Variants in IKZF1 observed in about 807,000 individuals in gnomAD.
IKZF1 encodes DNA-binding protein Ikaros.
In IKZF1, 10 loss-of-function variants were observed where a neutral mutation model predicts 51.7. That is an observed-to-expected ratio of 0.19 (90% CI 0.12 to 0.33). IKZF1 has a LOEUF of 0.33. IKZF1 is among the 10% of genes least tolerant of loss of function. The probability of loss-of-function intolerance (pLI) is 1.00; values close to 1 mark genes in which losing one functional copy is unlikely to be tolerated. For missense variants in IKZF1, 484 were observed against 707.5 expected (o/e 0.68, Z 3.58); for synonymous variants, 280 against 282.3 (o/e 0.99, Z 0.08).
intron 3 of IKZF1, among the ~76,000 whole-genome samples, chr7:50,356,543 CTGTG>C (rs1278552485): frequency 2.0e-5 from 3 of 152,132 alleles, no homozygotes; most frequent in South Asian, 2.1e-4. Context: ...TGGGGTGTGT[CTGTG>C]TGTGCACGGC....
intron 3 of IKZF1, among the ~76,000 whole-genome samples, chr7:50,338,732 A>T (rs1263003943): frequency 1.3e-5 from 2 of 152,156 alleles, no homozygotes; most frequent in Non-Finnish European, 2.9e-5. Flanking sequence ...GCTCTGGGGG[A>T]GTGGGCCATG....
chr7:50,329,586 T>C (rs1235168069), intron 3 of IKZF1, among the ~76,000 whole-genome samples: 1 of 152,196 alleles, frequency 6.6e-6, no homozygotes. Context: ...ATAGATATGA[T>C]AAAAGTTTGC....
chr7:50,369,507 T>G (rs540994649), intron 3 of IKZF1: 26 of 398,614 alleles, frequency 6.5e-5, no homozygotes, highest in African/African-American at 5.1e-4. Flanking sequence ...TCTCTTTCTC[T>G]CCCACTCTCC....
chr7:50,371,357 A>C (rs1402220111), intron 3 of IKZF1, among the ~76,000 whole-genome samples: 2 of 152,164 alleles, frequency 1.3e-5, no homozygotes, highest in Non-Finnish European at 2.9e-5. Context: ...GGGCCAACAA[A>C]ACTCACATTC....
At position 50,327,710 on chromosome 7, in the gene IKZF1, C is replaced by T; in HGVS notation, c.113C>T (p.Ser38Phe). ...DEPMPIPEDL[S>F]TTSGGQQSSK... ...CCCATGCCGATCCCCGAGGACCTCT[C>T]CACCACCTCGGGAGGACAGCAAAGC... Residue 38 changes from serine (S) to phenylalanine (F), a missense_variant, in exon 3 of 8, where the codon TCC becomes TTC. By Grantham distance (155) the Ser-to-Phe change is radical (BLOSUM62 -2). Coordinates refer to ENST00000331340, the MANE Select transcript of IKZF1 (RefSeq NM_006060.6). 1 of 1,613,634 alleles carries T rather than the reference C, an allele frequency of 6.2e-7. No individual in the cohort carries two copies. The highest frequency in any genetic ancestry group is 8.5e-7 in the Non-Finnish European group (1 of 1,179,736).
intron 1 of IKZF1, chr7:50,308,963 C>T (rs1232721848): frequency 6.6e-6 from 1 of 152,526 alleles, no homozygotes; most frequent in Non-Finnish European, 1.5e-5. Flanking sequence ...CCATTGTGTT[C>T]TTCCGTCTTC....
chr7:50,325,395 C>T (rs1036133622), intron 2 of IKZF1, among the ~76,000 whole-genome samples: 3 of 151,902 alleles, frequency 2.0e-5, no homozygotes, highest in African/African-American at 7.3e-5. Context: ...GTTCATATAC[C>T]TCCTGCGTTC....
intron 1 of IKZF1, among the ~76,000 whole-genome samples, chr7:50,311,497 A>G (rs1790169786): frequency 6.6e-6 from 1 of 152,206 alleles, no homozygotes; most frequent in African/African-American, 2.4e-5. Context: ...TATTTTTAAT[A>G]AATATACACG....
intron 4 of IKZF1, among the ~76,000 whole-genome samples, chr7:50,381,471 G>A (rs889237605): frequency 6.6e-6 from 1 of 152,206 alleles, no homozygotes; most frequent in African/African-American, 2.4e-5. Flanking sequence ...TAAATGAAAT[G>A]TTCCCTGATT....
At chr7:50,330,876 G>T (rs1056036995) in intron 3 of IKZF1, among the ~76,000 whole-genome samples, 3 of 152,156 alleles carry the variant, frequency 2.0e-5, no homozygotes, top group African/African-American at 7.2e-5. Context: ...GAAATGCAGG[G>T]TGAGCAGCAG....
chr7:50,352,727 C>T (rs1422992308), intron 3 of IKZF1, among the ~76,000 whole-genome samples: 1 of 152,138 alleles, frequency 6.6e-6, no homozygotes, highest in Admixed American at 6.5e-5. Context: ...TTTTGTTGTG[C>T]TTCTATCACT....
chr7:50,331,064 A>G (rs1243177770), intron 3 of IKZF1, among the ~76,000 whole-genome samples: 1 of 152,192 alleles, frequency 6.6e-6, no homozygotes, highest in East Asian at 1.9e-4. Flanking sequence ...TAGATGGAAC[A>G]TATATAGACA....
rs1430756520 is a variant in IKZF1 at position 50,376,809 on chromosome 7, G to A, written c.421+16G>A. On this transcript the variant is annotated intron_variant, in intron 4 of 7. Transcript: ENST00000331340. This position sits in a 1 kb window ranked among gnomAD's most constrained non-coding sequence, Gnocchi z 4.5. ...AGCCACACTGGTAAGGCCTGGCTCA[G>A]TTTTTCCTTTAGTGGCCTGGAGAAG... 3 of 1,611,710 alleles carry A rather than the reference G, an allele frequency of 1.9e-6. No homozygotes were observed. The highest frequency in any genetic ancestry group is 1.7e-5 in the Admixed American group (1 of 59,882).
rs570637608 is a variant in IKZF1, at chr7:50,313,328, CATT to C, written c.-14-5719_-14-5717del. On this transcript the variant is annotated intron_variant, in intron 1 of 7. Coordinates refer to ENST00000331340, the MANE Select transcript of IKZF1 (RefSeq NM_006060.6). ...TATCTACTCCCTTCAATATAAGCAT[CATT>C]GAGTATTTAAGGAAATAACCCCAAA... Among the ~76,000 whole-genome samples, 3 of 152,334 alleles carry C rather than the reference CATT, an allele frequency of 2.0e-5. No individual in the cohort carries two copies. In the South Asian group the frequency reaches 6.2e-4, roughly 32 times the overall value.
At chr7:50,367,958 C>A (rs1457679176) in intron 3 of IKZF1, 1 of 636,026 alleles carries the variant, frequency 1.6e-6, no homozygotes, top group East Asian at 2.7e-5. Context: ...TGACTATACT[C>A]TCTCCTGGTA....
chr7:50,369,142 A>T (rs1363148072), intron 3 of IKZF1: 1 of 239,852 alleles, frequency 4.2e-6, no homozygotes. Flanking sequence ...GTAAATGCTT[A>T]TATATGTGTA....
intron 6 of IKZF1, among the ~76,000 whole-genome samples, chr7:50,390,988 G>A (rs1030689192): frequency 6.6e-6 from 1 of 152,130 alleles, no homozygotes; most frequent in Non-Finnish European, 1.5e-5. Context: ...ATAAATTGCC[G>A]GGAAATGAAA....
At chr7:50,322,540 A>G (rs938452186) in intron 2 of IKZF1, among the ~76,000 whole-genome samples, 1 of 152,238 alleles carries the variant, frequency 6.6e-6, no homozygotes, top group African/African-American at 2.4e-5. Flanking sequence ...GGTACTGAGA[A>G]AATGCTACTG....
In IKZF1 at chr7:50,401,750, C is replaced by A. The variant is rs1055645003; in HGVS notation, c.*1123C>A. ...ACTATATATTATTCTCGTTTTAAAA[C>A]CCATAAAGGAGTGATTTAGAACAGT... is the stretch of plus-strand genomic sequence containing the variant. On this transcript the variant is annotated 3_prime_UTR_variant, in exon 8 of 8. Coordinates refer to ENST00000331340, the MANE Select transcript of IKZF1 (RefSeq NM_006060.6). 1.4e-5 allele frequency: 3 copies of A among 218,740 alleles called. No individual in the cohort carries two copies. The highest frequency in any genetic ancestry group is 6.7e-5 in the African/African-American group (3 of 44,480). 13.5% of individuals were successfully genotyped at this position (218,740 alleles called of 1,614,324 possible). A position where few individuals can be genotyped will look rare whatever the true frequency, so the allele number is the denominator to read the frequency against.
Sources: gnomAD v4.1 joint callset for allele counts (sites outside exome capture counted in the v4.1 genomes callset) on GRCh38, gnomAD v4.1.1 for gene constraint, Gnocchi (gnomAD v3.1) non-coding constraint, MANE v1.5 for transcripts, NCBI Gene and HGNC (gene_info 2026-07-23, HGNC 2026-07-21) for gene names.